CELF2: variants seen among roughly 807,000 people sequenced by gnomAD.
CELF2 encodes the protein CUG triplet repeat RNA-binding protein 2.
A neutral mutation model predicts 62.6 loss-of-function variants in CELF2; 8 were observed. The ratio of observed to expected loss-of-function variants is 0.13; its 90% CI spans 0.07 to 0.23. CELF2 has a LOEUF of 0.23. Ranked by LOEUF, CELF2 falls within the 10% of genes least tolerant of loss-of-function variation. CELF2 has a pLI of 1.00. For missense variants in CELF2, 333 were observed against 671.0 expected (o/e 0.50, Z 5.56); for synonymous variants, 258 against 250.0 (o/e 1.03, Z -0.30).
At chr10:11,213,957 G>C (rs1028655729) in intron 2 of CELF2, among the ~76,000 whole-genome samples, 1 of 152,154 alleles carries the variant, frequency 6.6e-6, no homozygotes, top group Admixed American at 6.5e-5. Context: ...CTAGTTTCGT[G>C]GGGGGATATT....
Position 11,262,940 on chromosome 10 carries a change from CTT to C in CELF2, c.539-3632_539-3631del, listed in dbSNP as rs553831640. Among the ~76,000 whole-genome samples, 144 of 52,742 alleles carry C rather than the reference CTT, an allele frequency of 2.7e-3. 3 individuals carry two copies. The East Asian group carries it at 0.057, about 21-fold the overall frequency. 34.6% of individuals were successfully genotyped at this position (52,742 alleles called of 152,430 possible). On this transcript the variant is annotated intron_variant, in intron 5 of 12. Coordinates refer to ENST00000633077, the MANE Select transcript of CELF2 (RefSeq NM_001326342.2). ...GTTCATGCTTTTAAAAGTGGCTTTACTTTTTTTTTTTTTTTTTTTTTTTTTTT... is the reference window on the plus strand; with the variant it reads ...GTTCATGCTTTTAAAAGTGGCTTTACTTTTTTTTTTTTTTTTTTTTTTTTT...
At position 11,309,366 on chromosome 10, in the gene CELF2, G is replaced by A. The variant is rs1383357271; in HGVS notation, c.977-4773G>A. 1.3e-5 allele frequency among the ~76,000 whole-genome samples: 2 copies of A among 152,216 alleles called. No homozygotes were observed. The highest frequency in any genetic ancestry group is 6.5e-5 in the Admixed American group (1 of 15,284). ...TCAGTGAAGTCTATTCCCCTGCACT[G>A]TGCCTCTGCTGTCACTCCTCAGAGG... is the stretch of plus-strand genomic sequence containing the variant. On this transcript the variant is annotated intron_variant, in intron 9 of 12. Coordinates refer to ENST00000633077, the MANE Select transcript of CELF2 (RefSeq NM_001326342.2). The surrounding 1 kb of genome is among the most constrained non-coding windows in gnomAD (Gnocchi z 5.6).
intron 1 of CELF2, among the ~76,000 whole-genome samples, chr10:11,065,433 G>A (rs531438614): frequency 2.9e-4 from 44 of 152,250 alleles, no homozygotes; most frequent in Middle Eastern, 3.4e-3. Context: ...AAAGAGAAGC[G>A]TAGAAATAAA....
rs1303396785 is a variant in CELF2 at position 11,336,184 on chromosome 10, T to C, written c.*7131T>C. ...GGCTAGGACACACAGTGAACATTAA[T>C]GTACTGTGAATCGTTCCTGATAAGT... On this transcript the variant is annotated 3_prime_UTR_variant, in exon 13 of 13. Transcript: ENST00000633077. This position sits in a 1 kb window ranked among gnomAD's most constrained non-coding sequence, Gnocchi z 5.4. The C allele has an allele frequency of 1.3e-5, 2 of 152,690 alleles. No individual in the cohort carries two copies. The highest frequency in any genetic ancestry group is 2.4e-5 in the African/African-American group (1 of 41,458). 9.5% of individuals were successfully genotyped at this position (152,690 alleles called of 1,614,324 possible). A position where few individuals can be genotyped will look rare whatever the true frequency, so the allele number is the denominator to read the frequency against.
the CELF2 span, among the ~76,000 whole-genome samples, chr10:10,514,267 A>G: frequency 3.3e-5 from 5 of 152,236 alleles, no homozygotes. Context: ...TTGGCTATAG[A>G]AAGTAGCTCG....
the CELF2 span, among the ~76,000 whole-genome samples, chr10:10,656,322 A>G: frequency 6.8e-6 from 1 of 147,406 alleles, no homozygotes. Flanking sequence ...GCGATTCCTC[A>G]GGGATCTAGA....
chr10:11,226,600 C>CCACACACACACACACA (rs59521803), intron 3 of CELF2, among the ~76,000 whole-genome samples: 1 of 25,896 alleles, frequency 3.9e-5, no homozygotes, highest in African/African-American at 6.0e-5. Flanking sequence ...CAGGCAGTGG[C>CCACACACACACACACA]CACACACACA....
rs539872868 is a variant in CELF2 at position 11,021,414 on chromosome 10, T to C, written c.74+3251T>C. On this transcript the variant is annotated intron_variant, in intron 1 of 12. Coordinates refer to ENST00000633077, the MANE Select transcript of CELF2 (RefSeq NM_001326342.2). Reference sequence around the variant, plus strand: ...AACTGGCAAAATATCTATCAGTGTATAATTAAACTGAAGGGTGGTTCTAAG... The same window carrying C: ...AACTGGCAAAATATCTATCAGTGTACAATTAAACTGAAGGGTGGTTCTAAG... Among the ~76,000 whole-genome samples the C allele has an allele frequency of 2.6e-5, 4 of 152,304 alleles. No homozygotes were observed. The East Asian group carries it at 7.7e-4, about 29-fold the overall frequency.
intron 9 of CELF2, among the ~76,000 whole-genome samples, chr10:11,301,496 CCCCCACCCCGCTCCCACAGCA>C (rs2093741860): frequency 7.6e-5 from 4 of 52,510 alleles, no homozygotes; most frequent in African/African-American, 3.9e-4. Flanking sequence ...CTACCGCACC[CCCCCACCCCGCTCCCACAGCA>C]CCCCCCACCC....
rs2093633210 is a variant in CELF2 at position 11,300,698 on chromosome 10, C to A, written c.976+12146C>A. 1.3e-5 allele frequency among the ~76,000 whole-genome samples: 2 copies of A among 152,198 alleles called. No individual in the cohort carries two copies. Among genetic ancestry groups the A allele is most frequent in the African/African-American group, 4.8e-5 (2 of 41,452 alleles). On this transcript the variant is annotated intron_variant, in intron 9 of 12. Transcript: ENST00000633077. This position sits in a 1 kb window ranked among gnomAD's most constrained non-coding sequence, Gnocchi z 5.5. ...AGTAATGCTAGTGCCTGTGTCATGGCTTAATTATCCTACTTCCTCACAATC... is the reference window on the plus strand; with the variant it reads ...AGTAATGCTAGTGCCTGTGTCATGGATTAATTATCCTACTTCCTCACAATC...
the CELF2 span, among the ~76,000 whole-genome samples, chr10:10,640,371 A>G: frequency 1.3e-5 from 2 of 152,142 alleles, no homozygotes; most frequent in African/African-American, 2.4e-5. Flanking sequence ...TCCCCCAAGC[A>G]CTACTCCCTT....
At chr10:10,946,912 T>C (rs2047746242) in intron 2 of CELF2, 1 of 152,248 alleles carries the variant, frequency 6.6e-6, no homozygotes, top group South Asian at 2.1e-4. Flanking sequence ...TTAACAGGCA[T>C]TTAAATGACA....
chr10:11,293,115 A>G (rs1034148424), intron 9 of CELF2, among the ~76,000 whole-genome samples: 5 of 152,186 alleles, frequency 3.3e-5, no homozygotes, highest in Admixed American at 3.3e-4. Context: ...CGCCCAGATC[A>G]GGCCACCCCC....
intron 2 of CELF2, among the ~76,000 whole-genome samples, chr10:10,996,694 T>C (rs1384431617): frequency 6.6e-6 from 1 of 152,222 alleles, no homozygotes; most frequent in Non-Finnish European, 1.5e-5. Flanking sequence ...TCTCTTTTGC[T>C]GGAACATCCT....
rs1308935495 is a variant in CELF2, at chr10:11,197,053, GA to G, written c.272-20369del. Among the ~76,000 whole-genome samples the G allele has an allele frequency of 2.3e-4, 13 of 57,218 alleles. 2 individuals are homozygous for G. The highest frequency in any genetic ancestry group is 1.1e-3 in the African/African-American group (13 of 12,090). 37.5% of individuals were successfully genotyped at this position (57,218 alleles called of 152,430 possible). A position where few individuals can be genotyped will look rare whatever the true frequency, so the allele number is the denominator to read the frequency against. On this transcript the variant is annotated intron_variant, in intron 2 of 12. Coordinates refer to ENST00000633077, the MANE Select transcript of CELF2 (RefSeq NM_001326342.2). Reference sequence around the variant, plus strand: ...AGAAAGAAAGAAAGAAAGAAAGAAAGAAAGAAAAGAAAGAAAGGAAAGAAAG... The same window carrying G: ...AGAAAGAAAGAAAGAAAGAAAGAAAGAAGAAAAGAAAGAAAGGAAAGAAAG...
chr10:10,625,012 TTTC>T, the CELF2 span, among the ~76,000 whole-genome samples: 1 of 152,222 alleles, frequency 6.6e-6, no homozygotes, highest in East Asian at 1.9e-4. Flanking sequence ...GGCGAGAATA[TTTC>T]TTCATGTTTA....
chr10:10,737,491 A>G, the CELF2 span, among the ~76,000 whole-genome samples: 3 of 152,140 alleles, frequency 2.0e-5, no homozygotes, highest in Non-Finnish European at 2.9e-5. Flanking sequence ...TCTGGGAGTT[A>G]TGACTTTCCT....
intron 2 of CELF2, among the ~76,000 whole-genome samples, chr10:10,984,050 C>T (rs145483506): frequency 2.6e-4 from 39 of 152,296 alleles, no homozygotes; most frequent in African/African-American, 8.7e-4. Flanking sequence ...TCATATAGAA[C>T]AATAGCTAGT....
At chr10:10,626,661 CA>C in the CELF2 span, among the ~76,000 whole-genome samples, 13 of 152,120 alleles carry the variant, frequency 8.5e-5, no homozygotes, top group Non-Finnish European at 1.5e-4. Flanking sequence ...TGAGTTGAAA[CA>C]GAATTATTCT....
Sources: allele counts gnomAD v4.1 joint callset (sites outside exome capture counted in the v4.1 genomes callset), GRCh38; gene constraint gnomAD v4.1.1; non-coding constraint Gnocchi (gnomAD v3.1); transcripts MANE v1.5; gene names NCBI Gene and HGNC (gene_info 2026-07-23, HGNC 2026-07-21).